LARGE1: variants seen among roughly 807,000 people sequenced by gnomAD.
The protein encoded by LARGE1 is xylosyl- and glucuronyltransferase LARGE1.
LARGE1 carries 43 observed loss-of-function variants against 87.6 expected under a neutral mutation model. The ratio of observed to expected loss-of-function variants is 0.49; its 90% CI spans 0.38 to 0.63. LARGE1 has a LOEUF of 0.63. Ranked by LOEUF, LARGE1 falls within the 30% of genes least tolerant of loss-of-function variation. The pLI, the probability that LARGE1 is intolerant of heterozygous loss-of-function variation, is 0.00. For synonymous variants in LARGE1, 434 were observed against 394.6 expected (o/e 1.10, Z -1.18); for missense variants, 802 against 1,000.2 (o/e 0.80, Z 2.67).
At chr22:33,559,336 C>T (rs2077786067) in intron 6 of LARGE1, among the ~76,000 whole-genome samples, 2 of 152,336 alleles carry the variant, frequency 1.3e-5, no homozygotes, top group African/African-American at 2.4e-5. Flanking sequence ...CACACACCAC[C>T]ACGCCCAGCT....
At chr22:33,671,743 C>T (rs2081419004) in intron 2 of LARGE1, among the ~76,000 whole-genome samples, 1 of 152,134 alleles carries the variant, frequency 6.6e-6, no homozygotes, top group African/African-American at 2.4e-5. Context: ...CCATCTATGC[C>T]TAGTGTTCCA....
intron 13 of LARGE1, among the ~76,000 whole-genome samples, chr22:33,278,527 C>A (rs1444113227): frequency 6.6e-6 from 1 of 151,116 alleles, no homozygotes; most frequent in African/African-American, 2.5e-5. Context: ...TTACTGTGTA[C>A]TGGGACTATT....
chr22:33,749,843 C>A (rs920457243), intron 2 of LARGE1, among the ~76,000 whole-genome samples: 2 of 152,116 alleles, frequency 1.3e-5, no homozygotes, highest in Non-Finnish European at 2.9e-5. Context: ...TTGAGCATAT[C>A]GACTTTGAAA....
rs1221503836 is a variant in LARGE1 at position 33,712,667 on chromosome 22, TG to T, written c.106+48703del. On this transcript the variant is annotated intron_variant, in intron 2 of 14. Coordinates refer to ENST00000397394, the MANE Select transcript of LARGE1 (RefSeq NM_133642.5). ...GTGTGTGTGTGTGTGTGTGTGTGTG[TG>T]TGTGTGTGTGTGTGTGTCTGCATGT... is the stretch of plus-strand genomic sequence containing the variant. 3.3e-5 allele frequency among the ~76,000 whole-genome samples: 5 copies of T among 151,360 alleles called. No homozygotes were observed. The East Asian group carries it at 7.8e-4, about 24-fold the overall frequency.
exon 12 of LARGE1, chr22:33,162,279 G>T (rs533155083): frequency 1.3e-5 from 2 of 152,334 alleles, no homozygotes; most frequent in East Asian, 1.9e-4. Flanking sequence ...GGCAGGCAAG[G>T]CCTCAGGAAA....
intron 1 of LARGE1, among the ~76,000 whole-genome samples, chr22:33,823,219 C>G (rs912678561): frequency 6.6e-6 from 1 of 152,200 alleles, no homozygotes; most frequent in Admixed American, 6.5e-5. Flanking sequence ...AGCTTCAACA[C>G]AGACCATAGC....
the LARGE1 span, among the ~76,000 whole-genome samples, chr22:33,112,859 C>G: frequency 6.6e-6 from 1 of 152,144 alleles, no homozygotes; most frequent in African/African-American, 2.4e-5. Context: ...GGAGAAGTAC[C>G]ACCCCTAACC....
intron 2 of LARGE1, among the ~76,000 whole-genome samples, chr22:33,758,535 G>T (rs1293118810): frequency 6.6e-6 from 1 of 152,168 alleles, no homozygotes; most frequent in Non-Finnish European, 1.5e-5. Flanking sequence ...TCATTCTAAA[G>T]GATCATGTTG....
chr22:33,554,871 A>G (rs1243195314), intron 6 of LARGE1, among the ~76,000 whole-genome samples: 1 of 152,164 alleles, frequency 6.6e-6, no homozygotes, highest in Admixed American at 6.5e-5. Flanking sequence ...TCATTTGACA[A>G]ATAGTTATCG....
chr22:33,497,375 C>G (rs1394433683), intron 6 of LARGE1, among the ~76,000 whole-genome samples: 1 of 152,158 alleles, frequency 6.6e-6, no homozygotes, highest in African/African-American at 2.4e-5. Context: ...CAAACCCAGC[C>G]TGCTATTTTC....
the LARGE1 span, among the ~76,000 whole-genome samples, chr22:33,088,265 C>T: frequency 1.4e-4 from 21 of 152,170 alleles, no homozygotes; most frequent in Admixed American, 1.3e-3. Context: ...CTATGGTTGA[C>T]GGCAGCATGG....
chr22:33,130,368 T>C, the LARGE1 span, among the ~76,000 whole-genome samples: 1 of 146,388 alleles, frequency 6.8e-6, no homozygotes, highest in South Asian at 2.2e-4. Context: ...TGCATTCCTG[T>C]AGTCCCAGCT....
chr22:33,319,490 G>C (rs1248473853), intron 10 of LARGE1, among the ~76,000 whole-genome samples: 2 of 152,080 alleles, frequency 1.3e-5, no homozygotes, highest in Non-Finnish European at 2.9e-5. Context: ...CTGCCTCCCG[G>C]GTTCAAGTGA....
At chr22:33,830,604 A>C (rs3819669) in intron 1 of LARGE1, among the ~76,000 whole-genome samples, 10,720 of 152,256 alleles carry the variant, frequency 0.07, 492 homozygotes, top group Admixed American at 0.1. Flanking sequence ...GGTTACTGTG[A>C]GAATTAAACA....
intron 1 of LARGE1, among the ~76,000 whole-genome samples, chr22:33,916,034 G>A (rs995625477): frequency 6.6e-5 from 10 of 152,176 alleles, no homozygotes; most frequent in African/African-American, 1.2e-4. Flanking sequence ...TGTAATCCCA[G>A]CACTTTGGGA....
chr22:33,244,186 G>A (rs932418664), intron 11 of LARGE1, among the ~76,000 whole-genome samples: 8 of 151,246 alleles, frequency 5.3e-5, no homozygotes, highest in Non-Finnish European at 8.8e-5. Context: ...TAGTAGAGAC[G>A]GGGCTTCACC....
In LARGE1 at chr22:33,490,086, C is replaced by G. The variant is rs2069763385; in HGVS notation, c.788-57821G>C. Among the ~76,000 whole-genome samples the G allele has an allele frequency of 2.6e-5, 4 of 152,240 alleles. No homozygotes were observed. The South Asian group carries it at 8.3e-4, about 32-fold the overall frequency. On this transcript the variant is annotated intron_variant, in intron 6 of 14. Coordinates refer to ENST00000397394, the MANE Select transcript of LARGE1 (RefSeq NM_133642.5). ...CACTTTCCCTCTGGAGCTAGGGGGG[C>G]TCTGCTTAGGCATAATTACTTGCTC...
chr22:33,488,002 G>A (rs1281634430), intron 6 of LARGE1, among the ~76,000 whole-genome samples: 1 of 152,186 alleles, frequency 6.6e-6, no homozygotes, highest in Non-Finnish European at 1.5e-5. Context: ...GTTAGCCTCA[G>A]AGTAAAAGTA....
intron 1 of LARGE1, among the ~76,000 whole-genome samples, chr22:33,783,754 A>C (rs577699338): frequency 6.6e-6 from 1 of 152,170 alleles, no homozygotes; most frequent in Non-Finnish European, 1.5e-5. Context: ...TGGTCGCAGG[A>C]TAAGAGAATG....
Sources: allele counts gnomAD v4.1 joint callset (sites outside exome capture counted in the v4.1 genomes callset), GRCh38; gene constraint gnomAD v4.1.1; transcripts MANE v1.5; gene names NCBI Gene and HGNC (gene_info 2026-07-23, HGNC 2026-07-21).